The following TMCC2 variants were observed in gnomAD, a reference collection of about 807,000 sequenced individuals.
The protein encoded by TMCC2 is transmembrane and coiled-coil domain family 2.
A neutral mutation model predicts 49.4 loss-of-function variants in TMCC2; 16 were observed. That is an observed-to-expected ratio of 0.32 (90% CI 0.22 to 0.49). The LOEUF is 0.49. Among genes scored for constraint, TMCC2 ranks in the 20% least tolerant of loss-of-function variants. The probability of loss-of-function intolerance (pLI) is 0.99; values close to 1 mark genes in which losing one functional copy is unlikely to be tolerated. For synonymous variants in TMCC2, 397 were observed against 434.1 expected (o/e 0.91, Z 1.06); for missense variants, 762 against 989.8 (o/e 0.77, Z 3.09).
intron 3 of TMCC2, among the ~76,000 whole-genome samples, chr1:205,270,600 G>A (rs79716363): frequency 0.026 from 3,902 of 152,284 alleles, 62 homozygotes; most frequent in East Asian, 0.059. Context: ...AAGAAGGCTT[G>A]GAAAATTGAA....
intron 2 of TMCC2, among the ~76,000 whole-genome samples, chr1:205,245,992 T>C (rs1006534019): frequency 1.3e-5 from 2 of 151,970 alleles, no homozygotes; most frequent in African/African-American, 4.8e-5. Context: ...GCCAGGCTGG[T>C]CTCAAACTCC....
rs752244916 is a variant in TMCC2, at chr1:205,269,311, C to T, written c.1109C>T (p.Ser370Leu). Residue 370 changes from serine to leucine, a missense_variant, in exon 3 of 5, where the codon TCG (serine) becomes TTG (leucine). Transcript: ENST00000358024. ...AAGGAGATTGAGCAGAACGGGCCCT[C>T]GCGGCAGCCCAAGGACGTGCTGCGG... ...RLKEIEQNGP[S>L]RQPKDVLRDM... is the part of the protein sequence containing the mutation. The T allele has an allele frequency of 1.5e-5, 25 of 1,613,296 alleles. No individual in the cohort carries two copies. Among genetic ancestry groups the T allele is most frequent in the Admixed American group, 1.0e-4 (6 of 60,002 alleles).
At chr1:205,229,828 C>T (rs1412984883) in intron 1 of TMCC2, 1 of 985,272 alleles carries the variant, frequency 1.0e-6, no homozygotes, top group Non-Finnish European at 1.2e-6. Flanking sequence ...GGCGAGCTGT[C>T]TTGAATATAT....
chr1:205,264,278 T>A lies in TMCC2; in HGVS notation c.748-4672T>A, dbSNP rs1448553434. ...ACAATACCTAGTACAATGTAAATAC[T>A]ATGAAAATAGAAAATAGTGTGACAC... On this transcript the variant is annotated intron_variant, in intron 2 of 4. Transcript: ENST00000358024. The surrounding 1 kb of genome is among the most constrained non-coding windows in gnomAD (Gnocchi z 4.2). 2.0e-5 allele frequency among the ~76,000 whole-genome samples: 3 copies of A among 152,210 alleles called. No homozygotes were observed. Among genetic ancestry groups the A allele is most frequent in the Non-Finnish European group, 4.4e-5 (3 of 68,034 alleles).
intron 1 of TMCC2, among the ~76,000 whole-genome samples, chr1:205,234,615 C>T (rs1056422588): frequency 2.6e-5 from 4 of 151,970 alleles, no homozygotes; most frequent in African/African-American, 9.7e-5. Context: ...CAATCAGAAA[C>T]TTATGGGGGT....
chr1:205,255,649 A>T (rs1053174691), intron 2 of TMCC2, among the ~76,000 whole-genome samples: 1 of 152,168 alleles, frequency 6.6e-6, no homozygotes, highest in Non-Finnish European at 1.5e-5. Flanking sequence ...ACTGCCTTTC[A>T]TGGCAGCTAA....
In TMCC2 at chr1:205,242,360, G is replaced by A. The variant is rs12563864; in HGVS notation, c.747+316G>A. Among the ~76,000 whole-genome samples the A allele has an allele frequency of 2.0e-5, 3 of 152,316 alleles. No homozygotes were observed. In the East Asian group the frequency reaches 5.8e-4, roughly 29 times the overall value. On this transcript the variant is annotated intron_variant, in intron 2 of 4. Coordinates refer to ENST00000358024, the MANE Select transcript of TMCC2 (RefSeq NM_014858.4). The stretch of plus-strand genomic sequence containing the variant: ...AATAGGTATAGTAGTTTAAAGCACA[G>A]ACTGGAAGCAACTCTGGTTCTGCCA...
chr1:205,251,540 A>G (rs1660669425), intron 2 of TMCC2, among the ~76,000 whole-genome samples: 1 of 152,244 alleles, frequency 6.6e-6, no homozygotes, highest in Non-Finnish European at 1.5e-5. Flanking sequence ...AATTAGACCC[A>G]AGGTGATACT....
chr1:205,253,871 C>T (rs1403646956), intron 2 of TMCC2, among the ~76,000 whole-genome samples: 2 of 152,340 alleles, frequency 1.3e-5, no homozygotes, highest in South Asian at 4.1e-4. Flanking sequence ...GCTTCAGGAC[C>T]AGTCACCTAT....
At position 205,269,681 on chromosome 1, in the gene TMCC2, T is replaced by G; in HGVS notation, c.1479T>G (p.Ser493=). 3.1e-6 allele frequency: 5 copies of G among 1,613,964 alleles called. No homozygotes were observed. Among genetic ancestry groups the G allele is most frequent in the Non-Finnish European group, 2.5e-6 (3 of 1,179,940 alleles). ...GCTCAGCCGGGGCAGGCAGCAACTC[T>G]GGGGCTGGGCCTGGTGGGGCGCTGG... ...SASSAGAGSN[S]GAGPGGALGS... Residue 493 remains serine, a synonymous_variant, in exon 3 of 5, where the codon TCT becomes TCG. Coordinates refer to ENST00000358024, the MANE Select transcript of TMCC2 (RefSeq NM_014858.4).
At chr1:205,247,222 A>G (rs903432227) in intron 2 of TMCC2, among the ~76,000 whole-genome samples, 1 of 152,104 alleles carries the variant, frequency 6.6e-6, no homozygotes, top group African/African-American at 2.4e-5. Context: ...TCTCCATTTT[A>G]CAGATGAGTA....
intron 2 of TMCC2, among the ~76,000 whole-genome samples, chr1:205,265,550 C>T (rs1194379071): frequency 1.3e-5 from 2 of 151,924 alleles, no homozygotes; most frequent in Admixed American, 6.6e-5. Context: ...AGACTCAGAA[C>T]CCATTTTCTT....
chr1:205,272,024 G>T lies in TMCC2; in HGVS notation c.2030G>T (p.Arg677Leu). 3 of 1,614,146 alleles carry T rather than the reference G, an allele frequency of 1.9e-6. No individual in the cohort carries two copies. Among genetic ancestry groups the T allele is most frequent in the Non-Finnish European group, 2.5e-6 (3 of 1,180,020 alleles). The change falls in exon 5 of 5, where the codon CGC becomes CTC. Residue 677 changes from arginine to leucine, a missense_variant. Arg to Leu is a moderately radical substitution (Grantham distance 102, BLOSUM62 -2). Coordinates refer to ENST00000358024, the MANE Select transcript of TMCC2 (RefSeq NM_014858.4). ...ACGCCCCTCATGAAGACACGCCTGCGCATCACCAGCACCACCCTCCTGGTC... is the reference window on the plus strand; with the variant it reads ...ACGCCCCTCATGAAGACACGCCTGCTCATCACCAGCACCACCCTCCTGGTC... The part of the protein sequence containing the change: ...FITPLMKTRL[R>L]ITSTTLLVLV...
In TMCC2 at chr1:205,228,714, C is replaced by T; in HGVS notation, c.150C>T (p.Asp50=). 2 of 1,611,404 alleles carry T rather than the reference C, an allele frequency of 1.2e-6. No individual in the cohort carries two copies. The highest frequency in any genetic ancestry group is 8.5e-7 in the Non-Finnish European group (1 of 1,179,438). Residue 50 remains aspartate (D), a synonymous_variant, in exon 1 of 5, where the codon GAC becomes GAT. Transcript: ENST00000358024. ...ACTCTGCTGGCGGGCCAACTTCAGA[C>T]GCCGGCGCTGCCGCGGCGCCCAACC... is the stretch of plus-strand genomic sequence containing the variant. ...GANSAGGPTS[D]AGAAAAPNPG... is the part of the protein sequence containing the mutation.
At chr1:205,246,712 TA>T in intron 2 of TMCC2, 1 of 1,549,018 alleles carries the variant, frequency 6.5e-7, no homozygotes. Flanking sequence ...GAATACATTT[TA>T]AAAATCAAAT....
chr1:205,228,579 A>G lies in TMCC2; in HGVS notation c.15A>G (p.Arg5=), dbSNP rs1451661216. The G allele has an allele frequency of 6.2e-7, 1 of 1,610,698 alleles. No individual in the cohort carries two copies. Among genetic ancestry groups the G allele is most frequent in the East Asian group, 2.2e-5 (1 of 44,752 alleles). The change falls in exon 1 of 5, where the codon AGA becomes AGG. Residue 5 remains arginine, a synonymous_variant. Coordinates refer to ENST00000358024, the MANE Select transcript of TMCC2 (RefSeq NM_014858.4). The part of the protein sequence containing the change: MKRC[R]SDELQQQQGE... ...CCACATACACCATGAAGAGGTGCAG[A>G]TCGGACGAGCTGCAGCAACAACAGG...
intron 2 of TMCC2, chr1:205,246,657 C>G (rs1298694410): frequency 2.6e-6 from 4 of 1,550,346 alleles, no homozygotes; most frequent in African/African-American, 1.4e-5. Flanking sequence ...AGCAGACACT[C>G]TGCATGTAGA....
rs1417253466 is a variant in TMCC2, at chr1:205,267,284, C to T, written c.748-1666C>T. 4.6e-5 allele frequency among the ~76,000 whole-genome samples: 7 copies of T among 152,154 alleles called. No homozygotes were observed. The East Asian group carries it at 5.8e-4, about 13-fold the overall frequency. On this transcript the variant is annotated intron_variant, in intron 2 of 4. Coordinates refer to ENST00000358024, the MANE Select transcript of TMCC2 (RefSeq NM_014858.4). ...GTTTGGCAGGGCTATTATTTTCAATCGTGTTTTCCAATAACTTTGCACCTT... is the reference window on the plus strand; with the variant it reads ...GTTTGGCAGGGCTATTATTTTCAATTGTGTTTTCCAATAACTTTGCACCTT...
intron 2 of TMCC2, among the ~76,000 whole-genome samples, chr1:205,252,931 G>T (rs1660723307): frequency 6.6e-6 from 1 of 151,358 alleles, no homozygotes; most frequent in Non-Finnish European, 1.5e-5. Flanking sequence ...GGCCAGCCTG[G>T]GCAACATAGT....
Sources: allele counts gnomAD v4.1 joint callset (sites outside exome capture counted in the v4.1 genomes callset), GRCh38; gene constraint gnomAD v4.1.1; non-coding constraint Gnocchi (gnomAD v3.1); transcripts MANE v1.5; gene names NCBI Gene and HGNC (gene_info 2026-07-23, HGNC 2026-07-21).